Variants in SRPK1 observed in about 807,000 individuals in gnomAD.
SRPK1 encodes the protein SFRS protein kinase 1.
Under a neutral mutation model 89.5 loss-of-function variants are expected in SRPK1, and 52 were observed. The ratio of observed to expected loss-of-function variants is 0.58; its 90% confidence interval spans 0.46 to 0.73. The LOEUF is 0.73. Ranked by LOEUF, SRPK1 falls within the 30% of genes least tolerant of loss-of-function variation. SRPK1 has a pLI of 0.00. For missense variants in SRPK1, 603 were observed against 780.6 expected (o/e 0.77, Z 2.71); for synonymous variants, 255 against 270.2 (o/e 0.94, Z 0.55).
chr6:35,838,818 A>G (rs764547834), intron 14 of SRPK1: 2 of 1,369,122 alleles, frequency 1.5e-6, no homozygotes, highest in Non-Finnish European at 2.0e-6. Context: ...AAGGGTAAGA[A>G]GAACAGATCA....
At position 35,834,389 on chromosome 6, in the gene SRPK1, T is replaced by G. The variant is rs1187116644; in HGVS notation, c.*915A>C. 2 of 152,202 alleles carry G rather than the reference T, an allele frequency of 1.3e-5. No individual in the cohort carries two copies. The highest frequency in any genetic ancestry group is 2.9e-5 in the Non-Finnish European group (2 of 68,040). 9.4% of individuals were successfully genotyped at this position (152,202 alleles called of 1,614,324 possible). On this transcript the variant is annotated 3_prime_UTR_variant, in exon 16 of 16. Transcript: ENST00000373825. ...AGAATCAGAATCTCAAGATCTATTT[T>G]TCTTAAATGGGAAAGCTCTGAAACC...
intron 12 of SRPK1, among the ~76,000 whole-genome samples, chr6:35,857,768 A>G (rs1273818089): frequency 6.6e-6 from 1 of 152,210 alleles, no homozygotes. Flanking sequence ...ACACCAAGGA[A>G]TCCAAACTCT....
In SRPK1 at chr6:35,835,392, G is replaced by A. The variant is rs771650218; in HGVS notation, c.1880C>T (p.Thr627Ile). The change falls in exon 16 of 16, where the codon ACA becomes ATA. Residue 627 changes from threonine (T) to isoleucine (I), a missense_variant. Thr to Ile is a moderately conservative substitution (Grantham distance 89). Coordinates refer to ENST00000373825, the MANE Select transcript of SRPK1 (RefSeq NM_003137.5). The part of the protein sequence containing the change: ...EWSQEEAAGF[T>I]DFLLPMLELI... ...CTCCAACATGGGCAGTAAGAAATCT[G>A]TGAAGCCAGCTGCCTCTTCCTGCGA... The A allele has an allele frequency of 9.5e-5, 153 of 1,613,680 alleles. No individual in the cohort carries two copies. Among genetic ancestry groups the A allele is most frequent in the Non-Finnish European group, 1.3e-4 (150 of 1,179,838 alleles).
rs118143193 is a variant in SRPK1, at chr6:35,912,300, A to G, written c.74+8168T>C. Among the ~76,000 whole-genome samples, 21 of 152,322 alleles carry G rather than the reference A, an allele frequency of 1.4e-4. No homozygotes were observed. The East Asian group carries it at 4.0e-3, about 29-fold the overall frequency. ...CAGGAGTTCGATGCTGCAGTGAGCT[A>G]TGATAGCACCACTGCACTCCAGCCT... is the stretch of plus-strand genomic sequence containing the variant. On this transcript the variant is annotated intron_variant, in intron 2 of 15. Coordinates refer to ENST00000373825, the MANE Select transcript of SRPK1 (RefSeq NM_003137.5).
chr6:35,876,339 T>C (rs747772413), intron 6 of SRPK1, among the ~76,000 whole-genome samples: 9 of 152,138 alleles, frequency 5.9e-5, no homozygotes, highest in Non-Finnish European at 8.8e-5. Context: ...AATTCTTAAA[T>C]ATAAAACCTA....
intron 13 of SRPK1, among the ~76,000 whole-genome samples, chr6:35,856,355 A>G (rs1769666316): frequency 6.6e-6 from 1 of 152,182 alleles, no homozygotes; most frequent in African/African-American, 2.4e-5. Flanking sequence ...TAATAAAACT[A>G]TAGCAAGCTT....
chr6:35,905,414 C>A (rs942268642), intron 2 of SRPK1, among the ~76,000 whole-genome samples: 10 of 152,096 alleles, frequency 6.6e-5, no homozygotes, highest in African/African-American at 2.4e-4. Flanking sequence ...AAAAACCCAA[C>A]ATAATCACAA....
intron 12 of SRPK1, 38 bp from the exon 13 acceptor site, chr6:35,857,406 C>T (rs1363183896): frequency 6.7e-7 from 1 of 1,486,284 alleles, no homozygotes; most frequent in South Asian, 1.2e-5. Context: ...AAACTTCATT[C>T]TAAAAAGTAA....
intron 11 of SRPK1, 172 bp from the exon 12 acceptor site, chr6:35,869,282 C>T (rs529784572): frequency 3.4e-6 from 3 of 871,898 alleles, no homozygotes; most frequent in African/African-American, 1.7e-5. Context: ...AATTAAAAAC[C>T]TCTGCCCTCA....
intron 13 of SRPK1, among the ~76,000 whole-genome samples, chr6:35,848,394 C>A (rs926267325): frequency 6.6e-6 from 1 of 152,032 alleles, no homozygotes. Context: ...CCCACCTCTA[C>A]AAAAAATACA....
At chr6:35,868,380 G>A (rs2127243875) in intron 12 of SRPK1, among the ~76,000 whole-genome samples, 1 of 152,232 alleles carries the variant, frequency 6.6e-6, no homozygotes, top group Admixed American at 6.5e-5. Context: ...CTAAAAATAA[G>A]TTAAATGACA....
chr6:35,847,379 C>G lies in SRPK1; in HGVS notation c.1621-4775G>C, dbSNP rs970233517. ...TGCCACCACATCTGGCTAATTTTTT[C>G]ATTTCTTTTGGTAGAAATGGGGTCT... On this transcript the variant is annotated intron_variant, in intron 13 of 15. Coordinates refer to ENST00000373825, the MANE Select transcript of SRPK1 (RefSeq NM_003137.5). 3.9e-5 allele frequency among the ~76,000 whole-genome samples: 6 copies of G among 151,980 alleles called. No individual in the cohort carries two copies. The East Asian group carries it at 1.2e-3, about 29-fold the overall frequency.
Position 35,875,760 on chromosome 6 carries a change from C to T in SRPK1, c.479-1421G>A, listed in dbSNP as rs142229920. Among the ~76,000 whole-genome samples the T allele has an allele frequency of 1.2e-4, 18 of 152,052 alleles. No homozygotes were observed. The East Asian group carries it at 3.1e-3, about 26-fold the overall frequency. On this transcript the variant is annotated intron_variant, in intron 6 of 15. Coordinates refer to ENST00000373825, the MANE Select transcript of SRPK1 (RefSeq NM_003137.5). ...CTAAAACAACTATGTGAAAGACTGT[C>T]GGGAAAAAGGATTGTCACAGTGTCA...
intron 13 of SRPK1, among the ~76,000 whole-genome samples, chr6:35,855,851 C>G (rs1244006158): frequency 6.6e-6 from 1 of 152,212 alleles, no homozygotes; most frequent in Admixed American, 6.5e-5. Context: ...TCTCCTGCCT[C>G]AGCCTCCCAA....
chr6:35,868,920 C>G (rs1769967104), intron 12 of SRPK1, 90 bp downstream of exon 12: 3 of 974,694 alleles, frequency 3.1e-6, no homozygotes, highest in Non-Finnish European at 4.6e-6. Flanking sequence ...AATCTGGGTA[C>G]AGAATTATGG....
At chr6:35,905,813 T>C (rs1422751030) in intron 2 of SRPK1, among the ~76,000 whole-genome samples, 1 of 152,188 alleles carries the variant, frequency 6.6e-6, no homozygotes, top group Non-Finnish European at 1.5e-5. Context: ...GAGTGAAATA[T>C]AAAATCAAAC....
At chr6:35,914,790 A>G (rs1561999592) in intron 2 of SRPK1, among the ~76,000 whole-genome samples, 1 of 152,128 alleles carries the variant, frequency 6.6e-6, no homozygotes, top group Non-Finnish European at 1.5e-5. Flanking sequence ...AATAAGAGTT[A>G]AACTAGTTAA....
chr6:35,918,614 G>A (rs1019307360), intron 2 of SRPK1, among the ~76,000 whole-genome samples: 1 of 152,062 alleles, frequency 6.6e-6, no homozygotes, highest in African/African-American at 2.4e-5. Context: ...AGGAAATGGG[G>A]GCAGTTCATT....
chr6:35,885,451 TTTAGAAC>T (rs1770388761), intron 6 of SRPK1, among the ~76,000 whole-genome samples: 1 of 152,182 alleles, frequency 6.6e-6, no homozygotes, highest in Non-Finnish European at 1.5e-5. Flanking sequence ...CAGAATTGAC[TTTAGAAC>T]AATAGTCTTT....
Sources: allele counts gnomAD v4.1 joint callset (sites outside exome capture counted in the v4.1 genomes callset), GRCh38; gene constraint gnomAD v4.1.1; transcripts MANE v1.5; gene names NCBI Gene and HGNC (gene_info 2026-07-23, HGNC 2026-07-21).